Variants in PHKA1 observed in about 807,000 individuals in gnomAD.
The protein encoded by PHKA1 is phosphorylase b kinase regulatory subunit alpha, skeletal muscle isoform.
In PHKA1, 60 loss-of-function variants were observed where a neutral mutation model predicts 110.2. The observed-to-expected ratio is 0.54, with a 90% CI of 0.44 to 0.68. PHKA1 has a LOEUF of 0.68. Ranked by LOEUF, PHKA1 falls within the 30% of genes least tolerant of loss-of-function variation. The probability of loss-of-function intolerance (pLI) is 0.00; values close to 1 mark genes in which losing one functional copy is unlikely to be tolerated. For synonymous variants in PHKA1, 316 were observed against 333.6 expected (o/e 0.95, Z 0.58); for missense variants, 801 against 942.5 (o/e 0.85, Z 1.97).
At chrX:72,680,357 C>G (rs1263237437) in intron 5 of PHKA1, among the ~76,000 whole-genome samples, 2 of 112,316 alleles carry the variant, frequency 1.8e-5, no homozygotes, top group Admixed American at 9.3e-5. Context: ...AAGGCACATT[C>G]ATGTAGCGGA....
intron 21 of PHKA1, among the ~76,000 whole-genome samples, chrX:72,612,993 T>C (rs2052835303): frequency 9.0e-6 from 1 of 111,075 alleles, no homozygotes; most frequent in Non-Finnish European, 1.9e-5. Context: ...GCTGAGGTTC[T>C]AGCCAACAGC....
chrX:72,655,627 T>A (rs375731362), intron 10 of PHKA1, among the ~76,000 whole-genome samples: 6 of 105,331 alleles, frequency 5.7e-5, no homozygotes, highest in South Asian at 4.1e-4. Flanking sequence ...AAACCAAAAA[T>A]TTTTTTTTTT....
At chrX:72,708,623 G>A (rs1434874222) in intron 2 of PHKA1, among the ~76,000 whole-genome samples, 1 of 111,885 alleles carries the variant, frequency 8.9e-6, no homozygotes, top group Admixed American at 9.5e-5. Context: ...AGAGAAAAGA[G>A]GGGATAGATT....
intron 25 of PHKA1, among the ~76,000 whole-genome samples, chrX:72,604,482 T>C (rs2052700484): frequency 8.9e-6 from 1 of 112,057 alleles, no homozygotes; most frequent in South Asian, 3.7e-4. Flanking sequence ...AATTATCTCA[T>C]GTGTTTGAGT....
intron 5 of PHKA1, among the ~76,000 whole-genome samples, chrX:72,683,686 TAG>T (rs1429181151): frequency 8.9e-6 from 1 of 112,293 alleles, no homozygotes; most frequent in African/African-American, 3.2e-5. Flanking sequence ...TCTGTCACTA[TAG>T]ATTTCTAGAA....
Position 72,578,985 on chromosome X carries a change from T to C in PHKA1, c.*2017A>G, listed in dbSNP as rs1213529712. On this transcript the variant is annotated 3_prime_UTR_variant, in exon 32 of 32. Transcript: ENST00000373542. ...TTTTCTTAAAAGTTGCTTTAAAAGT[T>C]AAATACCACTGTATGGGGACCATAA... The C allele has an allele frequency of 8.9e-6, 1 of 112,241 alleles. No homozygotes were observed. Among genetic ancestry groups the C allele is most frequent in the Admixed American group, 9.5e-5 (1 of 10,576 alleles). 9.2% of individuals were successfully genotyped at this position (112,241 alleles called of 1,213,427 possible). A position where few individuals can be genotyped will look rare whatever the true frequency, so the allele number is the denominator to read the frequency against.
chrX:72,627,811 CTTTTTTTTTTT>C (rs1160541868), intron 16 of PHKA1, among the ~76,000 whole-genome samples: 5 of 67,857 alleles, frequency 7.4e-5, no homozygotes, highest in East Asian at 4.2e-4. Flanking sequence ...TTTTCCTACA[CTTTTTTTTTTT>C]TTTTTTTTTT....
chrX:72,593,273 G>A lies in PHKA1; in HGVS notation c.3074C>T (p.Ser1025Leu), dbSNP rs1335318880. The change falls in exon 29 of 32, where the codon TCA becomes TTA. Residue 1025 changes from serine to leucine, a missense_variant and splice_region_variant. Ser to Leu is a moderately radical substitution (Grantham distance 145, BLOSUM62 -2). Transcript: ENST00000373542. ...RRLSISAESQ[S>L]PGTSMTPSSG... ...ACTTGGAGTCATAGAGGTTCCAGGT[G>A]ACTTGGAAGAGGAGAGGAAAGAACA... 2 of 1,182,315 alleles carry A rather than the reference G, an allele frequency of 1.7e-6. No homozygotes were observed. The highest frequency in any genetic ancestry group is 3.5e-5 in the African/African-American group (2 of 56,667).
intron 4 of PHKA1, among the ~76,000 whole-genome samples, chrX:72,691,535 T>A (rs1195351132): frequency 8.9e-6 from 1 of 112,398 alleles, no homozygotes; most frequent in African/African-American, 3.2e-5. Context: ...TTTCCATTTA[T>A]TTAGATATTT....
intron 6 of PHKA1, among the ~76,000 whole-genome samples, chrX:72,667,704 C>T (rs1437858274): frequency 8.0e-5 from 9 of 112,069 alleles, no homozygotes; most frequent in Non-Finnish European, 1.7e-4. Flanking sequence ...AAGTATCATA[C>T]TTAACCATCA....
intron 12 of PHKA1, among the ~76,000 whole-genome samples, chrX:72,651,065 T>C (rs1252744752): frequency 8.9e-6 from 1 of 112,134 alleles, no homozygotes; most frequent in Non-Finnish European, 1.9e-5. Context: ...CTATCTTCTC[T>C]GGATATACAT....
intron 2 of PHKA1, among the ~76,000 whole-genome samples, chrX:72,710,840 ATTTTT>A (rs1201811776): frequency 1.3e-5 from 1 of 78,788 alleles, no homozygotes; most frequent in Non-Finnish European, 2.6e-5. Flanking sequence ...TTATTTTTTT[ATTTTT>A]TTTTTTATTT....
At chrX:72,585,828 C>T (rs1319357910) in intron 29 of PHKA1, among the ~76,000 whole-genome samples, 1 of 112,488 alleles carries the variant, frequency 8.9e-6, no homozygotes, top group Non-Finnish European at 1.9e-5. Context: ...GCTAGCACAG[C>T]AGTCTGAGAT....
intron 3 of PHKA1, among the ~76,000 whole-genome samples, chrX:72,704,170 C>T (rs1161186334): frequency 3.6e-5 from 4 of 111,991 alleles, no homozygotes; most frequent in Admixed American, 9.5e-5. Flanking sequence ...TAAAAGGATG[C>T]TCAACTTCAC....
At chrX:72,693,843 C>G (rs1212768712) in intron 4 of PHKA1, among the ~76,000 whole-genome samples, 1 of 111,365 alleles carries the variant, frequency 9.0e-6, no homozygotes, top group Non-Finnish European at 1.9e-5. Flanking sequence ...TTGCTTCTGC[C>G]ATGCTGAGGT....
intron 19 of PHKA1, 33 bp downstream of exon 19, chrX:72,620,692 T>G: frequency 2.6e-6 from 3 of 1,155,842 alleles, no homozygotes; most frequent in Non-Finnish European, 3.5e-6. Context: ...CGTCATCCTG[T>G]GCCTGACTCT....
intron 14 of PHKA1, among the ~76,000 whole-genome samples, chrX:72,638,143 T>C (rs782579035): frequency 9.0e-6 from 1 of 111,345 alleles, no homozygotes; most frequent in South Asian, 3.8e-4. Context: ...TTTGTTTTTG[T>C]TTTTGTTTTT....
intron 13 of PHKA1, among the ~76,000 whole-genome samples, chrX:72,645,229 T>C (rs1331397419): frequency 8.9e-6 from 1 of 112,208 alleles, no homozygotes; most frequent in Non-Finnish European, 1.9e-5. Context: ...GGGCCAGTAA[T>C]CCAATTGAGG....
chrX:72,610,937 G>T, intron 22 of PHKA1, 91 bp downstream of exon 22: 1 of 641,190 alleles, frequency 1.6e-6, no homozygotes, highest in Non-Finnish European at 2.5e-6. Flanking sequence ...AATGGTTAGA[G>T]GCTATGGTTG....
Sources: allele counts gnomAD v4.1 joint callset (sites outside exome capture counted in the v4.1 genomes callset), GRCh38; gene constraint gnomAD v4.1.1; transcripts MANE v1.5; gene names NCBI Gene and HGNC (gene_info 2026-07-23, HGNC 2026-07-21).